The following PCDH9 variants were observed in gnomAD, a reference collection of about 807,000 sequenced individuals.
The protein encoded by PCDH9 is protocadherin 9, also known as protocadherin-9.
A neutral mutation model predicts 70.6 loss-of-function variants in PCDH9; 24 were observed. That is an observed-to-expected ratio of 0.34 (90% CI 0.25 to 0.48). The LOEUF (loss-of-function observed/expected upper bound fraction) is 0.48, where lower values mean the gene tolerates loss of function less well. Ranked by LOEUF, PCDH9 falls within the 20% of genes least tolerant of loss-of-function variation. The pLI is 0.99. For synonymous variants in PCDH9, 562 were observed against 558.5 expected (o/e 1.01, Z -0.09); for missense variants, 1,281 against 1,503.6 (o/e 0.85, Z 2.45).
Position 67,031,160 on chromosome 13 carries a change from T to C in PCDH9, c.3037-127555A>G, listed in dbSNP as rs148178010. 2.8e-3 allele frequency among the ~76,000 whole-genome samples: 425 copies of C among 152,278 alleles called. 5 individuals carry two copies. Among genetic ancestry groups the C allele is most frequent in the East Asian group, 0.014 (73 of 5,180 alleles). The stretch of plus-strand genomic sequence containing the variant: ...ATTTTTTTTCCAGCCATAAACGACA[T>C]TGAAAGCGGGTGTTAAGTAAAGAAC... On this transcript the variant is annotated intron_variant, in intron 2 of 4. Transcript: ENST00000377865.
At chr13:66,314,684 C>A (rs1410004346) in intron 4 of PCDH9, among the ~76,000 whole-genome samples, 1 of 152,100 alleles carries the variant, frequency 6.6e-6, no homozygotes. Flanking sequence ...TTAGAAAATT[C>A]CCCTGAATTT....
At chr13:66,454,545 T>C (rs1958279324) in intron 4 of PCDH9, among the ~76,000 whole-genome samples, 3 of 152,180 alleles carry the variant, frequency 2.0e-5, no homozygotes, top group African/African-American at 4.8e-5. Flanking sequence ...GTATAAAAGA[T>C]ATATATGAAA....
chr13:67,181,801 C>G (rs1170350684), intron 2 of PCDH9, among the ~76,000 whole-genome samples: 1 of 152,118 alleles, frequency 6.6e-6, no homozygotes, highest in East Asian at 1.9e-4. Flanking sequence ...GTTTCTACAA[C>G]CATTCTTCTC....
chr13:66,630,382 A>AAATGGGGATGAAATGGGG (rs2077554283), intron 4 of PCDH9, among the ~76,000 whole-genome samples: 1 of 152,206 alleles, frequency 6.6e-6, no homozygotes, highest in African/African-American at 2.4e-5. Flanking sequence ...GACTGGGGAT[A>AAATGGGGATGAAATGGGG]ATAATTGATG....
chr13:67,021,642 C>T (rs998142183), intron 2 of PCDH9, among the ~76,000 whole-genome samples: 3 of 152,056 alleles, frequency 2.0e-5, no homozygotes, highest in Non-Finnish European at 4.4e-5. Flanking sequence ...TTACTGCAAC[C>T]TCCACCTCCC....
Position 66,549,759 on chromosome 13 carries a change from C to A in PCDH9, c.3340+81451G>T, listed in dbSNP as rs544735308. Among the ~76,000 whole-genome samples the A allele has an allele frequency of 2.0e-5, 3 of 152,104 alleles. 1 individual carries two copies. In the South Asian group the frequency reaches 6.3e-4, roughly 32 times the overall value. Reference sequence around the variant, plus strand: ...TTAAGGCTGGGTGTGTTGCCTCATGCCTGTAATCCCAGCACTTTGGGAGGC... The same window carrying A: ...TTAAGGCTGGGTGTGTTGCCTCATGACTGTAATCCCAGCACTTTGGGAGGC... On this transcript the variant is annotated intron_variant, in intron 4 of 4. Transcript: ENST00000377865.
chr13:66,753,544 G>GA (rs71207603), intron 3 of PCDH9, among the ~76,000 whole-genome samples: 12,421 of 152,104 alleles, frequency 0.082, 710 homozygotes, highest in South Asian at 0.15. Flanking sequence ...TGTGTTACAG[G>GA]AAAAATCCAT....
intron 2 of PCDH9, among the ~76,000 whole-genome samples, chr13:67,169,358 T>C (rs2138439811): frequency 6.6e-6 from 1 of 152,356 alleles, no homozygotes; most frequent in South Asian, 2.1e-4. Context: ...TTTTAATGTT[T>C]CATTTAAAAA....
intron 2 of PCDH9, among the ~76,000 whole-genome samples, chr13:67,050,447 C>A (rs1282875918): frequency 6.6e-6 from 1 of 152,138 alleles, no homozygotes; most frequent in African/African-American, 2.4e-5. Flanking sequence ...GTGATCTCCA[C>A]CAGGTACTTA....
intron 4 of PCDH9, among the ~76,000 whole-genome samples, chr13:66,616,302 C>T (rs934875765): frequency 6.6e-6 from 1 of 152,056 alleles, no homozygotes; most frequent in African/African-American, 2.4e-5. Flanking sequence ...ATCCAAAAGG[C>T]CTATGTAGAA....
chr13:67,000,287 A>T (rs1445643507), intron 2 of PCDH9, among the ~76,000 whole-genome samples: 1 of 138,706 alleles, frequency 7.2e-6, no homozygotes, highest in East Asian at 2.4e-4. Flanking sequence ...AACAATGAGA[A>T]CACGTGGACA....
intron 2 of PCDH9, among the ~76,000 whole-genome samples, chr13:67,003,146 AT>A (rs1356949616): frequency 6.6e-6 from 1 of 152,040 alleles, no homozygotes; most frequent in Non-Finnish European, 1.5e-5. Flanking sequence ...CTTTCTCACA[AT>A]TGTAATTGTA....
At chr13:66,500,733 T>C (rs1959172774) in intron 4 of PCDH9, among the ~76,000 whole-genome samples, 1 of 152,118 alleles carries the variant, frequency 6.6e-6, no homozygotes, top group Non-Finnish European at 1.5e-5. Context: ...ATTCTTGCTG[T>C]CTTGCTTTTC....
intron 4 of PCDH9, among the ~76,000 whole-genome samples, chr13:66,534,741 G>T (rs576331642): frequency 1.4e-4 from 22 of 151,938 alleles, no homozygotes; most frequent in Non-Finnish European, 2.5e-4. Flanking sequence ...AGAACTATGC[G>T]AACTGGTGAC....
At chr13:66,601,226 A>C (rs1451392250) in intron 4 of PCDH9, among the ~76,000 whole-genome samples, 1 of 146,080 alleles carries the variant, frequency 6.8e-6, no homozygotes, top group Non-Finnish European at 1.5e-5. Context: ...TTATTTTGAA[A>C]GATATTTCTA....
chr13:67,021,718 CCTG>C (rs1234400513), intron 2 of PCDH9, among the ~76,000 whole-genome samples: 1 of 151,992 alleles, frequency 6.6e-6, no homozygotes, highest in Non-Finnish European at 1.5e-5. Context: ...CACAACCACA[CCTG>C]GCTAATTTTT....
At chr13:66,944,953 C>T (rs979389886) in intron 2 of PCDH9, among the ~76,000 whole-genome samples, 3 of 151,668 alleles carry the variant, frequency 2.0e-5, no homozygotes, top group African/African-American at 4.8e-5. Context: ...TCTGTTGTGG[C>T]TCAGGACACA....
chr13:67,175,129 C>T (rs1306036762), intron 2 of PCDH9, among the ~76,000 whole-genome samples: 2 of 151,948 alleles, frequency 1.3e-5, no homozygotes, highest in East Asian at 3.9e-4. Flanking sequence ...GAAAGAGATC[C>T]TGTCTCTAAA....
At chr13:66,352,307 T>C (rs563055075) in intron 4 of PCDH9, among the ~76,000 whole-genome samples, 2 of 152,350 alleles carry the variant, frequency 1.3e-5, no homozygotes, top group Admixed American at 1.3e-4. Flanking sequence ...TGACATTATC[T>C]GTGCCTTTGC....
Sources: gnomAD v4.1 joint callset for allele counts (sites outside exome capture counted in the v4.1 genomes callset) on GRCh38, gnomAD v4.1.1 for gene constraint, MANE v1.5 for transcripts, NCBI Gene and HGNC (gene_info 2026-07-23, HGNC 2026-07-21) for gene names.